Variants in DLGAP4 observed in about 807,000 individuals in gnomAD.
DLGAP4 encodes the protein DLG associated protein 4.
DLGAP4 carries 18 observed loss-of-function variants against 86.9 expected under a neutral mutation model. The observed-to-expected ratio is 0.21, with a 90% CI of 0.14 to 0.31. The LOEUF is 0.31. DLGAP4 is among the 10% of genes least tolerant of loss of function. The pLI is 1.00. For synonymous variants in DLGAP4, 548 were observed against 574.3 expected (o/e 0.95, Z 0.65); for missense variants, 1,085 against 1,362.6 (o/e 0.80, Z 3.21).
At chr20:36,309,993 G>C (rs2065038015) in intron 1 of DLGAP4, among the ~76,000 whole-genome samples, 1 of 152,140 alleles carries the variant, frequency 6.6e-6, no homozygotes, top group African/African-American at 2.4e-5. Flanking sequence ...TGGAGGATTT[G>C]GGGATTTGGG....
intron 8 of DLGAP4, chr20:36,499,151 C>T (rs1455451242): frequency 1.6e-6 from 2 of 1,275,608 alleles, no homozygotes; most frequent in African/African-American, 3.0e-5. Context: ...GCTTCAACTA[C>T]ACCAGATAAC....
chr20:36,443,944 C>G (rs985538316), intron 6 of DLGAP4, among the ~76,000 whole-genome samples: 6 of 152,160 alleles, frequency 3.9e-5, no homozygotes, highest in African/African-American at 1.4e-4. Context: ...GAAACTGAGG[C>G]ACAAAGCAAT....
chr20:36,370,995 G>T (rs1600445974), intron 2 of DLGAP4, among the ~76,000 whole-genome samples: 1 of 152,192 alleles, frequency 6.6e-6, no homozygotes, highest in East Asian at 1.9e-4. Context: ...AACCTTGTGG[G>T]ATTAGCAGTA....
intron 2 of DLGAP4, among the ~76,000 whole-genome samples, chr20:36,392,429 T>C (rs952391866): frequency 2.0e-5 from 3 of 152,148 alleles, no homozygotes; most frequent in Non-Finnish European, 1.5e-5. Flanking sequence ...TGGAGTACAA[T>C]GGCATGATCT....
intron 7 of DLGAP4, among the ~76,000 whole-genome samples, chr20:36,447,942 A>G (rs992753606): frequency 2.4e-4 from 36 of 150,106 alleles, no homozygotes; most frequent in Admixed American, 7.3e-4. Context: ...ATTAGGACAA[A>G]TATCTAATGC....
intron 2 of DLGAP4, among the ~76,000 whole-genome samples, chr20:36,396,457 GC>G (rs2031981314): frequency 5.3e-5 from 1 of 18,936 alleles, no homozygotes; most frequent in Admixed American, 9.4e-4. Context: ...CACATCACAT[GC>G]ACACACACAC....
At chr20:36,388,041 T>C (rs1409768224) in intron 2 of DLGAP4, among the ~76,000 whole-genome samples, 2 of 152,066 alleles carry the variant, frequency 1.3e-5, no homozygotes, top group Admixed American at 1.3e-4. Context: ...CCTGAGTGAG[T>C]GTTATGAAGA....
intron 1 of DLGAP4, among the ~76,000 whole-genome samples, chr20:36,309,024 C>G (rs1334313107): frequency 1.3e-5 from 2 of 151,754 alleles, no homozygotes; most frequent in African/African-American, 4.8e-5. Flanking sequence ...GGCTCGGGTC[C>G]CCCTGGCGGG....
intron 7 of DLGAP4, among the ~76,000 whole-genome samples, chr20:36,460,039 G>A (rs951134869): frequency 2.0e-5 from 3 of 152,224 alleles, no homozygotes; most frequent in Non-Finnish European, 4.4e-5. Context: ...TCCCAGAGAG[G>A]GAAAGGGACT....
Position 36,431,623 on chromosome 20 carries a change from C to T in DLGAP4, c.-72-23C>T, listed in dbSNP as rs568500183. ...CCGACAATCCAGCTGACCAGCTGAC[C>T]GCTTTCTGTCTTCTCTCCCTAGGAT... On this transcript the variant is annotated intron_variant, in intron 2 of 12. Transcript: ENST00000339266. This position sits in a 1 kb window ranked among gnomAD's most constrained non-coding sequence, Gnocchi z 5.1. 4.0e-5 allele frequency: 56 copies of T among 1,403,824 alleles called. No individual in the cohort carries two copies. The highest frequency in any genetic ancestry group is 4.9e-5 in the East Asian group (2 of 40,914). The allele number at this position is 1,403,824 out of a possible 1,614,324, so 87.0% of individuals were successfully genotyped here.
intron 1 of DLGAP4, among the ~76,000 whole-genome samples, chr20:36,317,229 TTCTTTCTTTCTTTC>T (rs1188908773): frequency 4.9e-4 from 18 of 36,902 alleles, no homozygotes; most frequent in Admixed American, 1.9e-3. Context: ...CCTTTTTTCT[TTCTTTCTTTCTTTC>T]TTTCTTTCTT....
intron 1 of DLGAP4, among the ~76,000 whole-genome samples, chr20:36,352,067 T>A (rs1340011264): frequency 6.6e-6 from 1 of 151,878 alleles, no homozygotes; most frequent in African/African-American, 2.4e-5. Flanking sequence ...CTCAGGGGAA[T>A]GAGGGAGGGA....
In DLGAP4 at chr20:36,344,025, G is replaced by A. The variant is rs16986065; in HGVS notation, c.-303-23020G>A. Among the ~76,000 whole-genome samples the A allele has an allele frequency of 3.1e-3, 468 of 152,324 alleles. 2 individuals are homozygous for A. Among genetic ancestry groups the A allele is most frequent in the African/African-American group, 0.011 (445 of 41,578 alleles). ...GAGTGCTGTTCACCTTGCCAGGGGA[G>A]CCTAGCATAGACCATCAGGAAAAAG... On this transcript the variant is annotated intron_variant, in intron 1 of 12. Coordinates refer to ENST00000339266, the MANE Select transcript of DLGAP4 (RefSeq NM_001365621.2).
intron 1 of DLGAP4, among the ~76,000 whole-genome samples, chr20:36,344,063 GGTGGAACT>G (rs1312431433): frequency 2.0e-5 from 3 of 152,166 alleles, no homozygotes; most frequent in Non-Finnish European, 4.4e-5. Flanking sequence ...TGTGCCGGGA[GGTGGAACT>G]GTGGGTTTTC....
chr20:36,415,899 C>G (rs1220694854), intron 2 of DLGAP4, among the ~76,000 whole-genome samples: 1 of 152,158 alleles, frequency 6.6e-6, no homozygotes, highest in African/African-American at 2.4e-5. Flanking sequence ...GGATCACCCT[C>G]TCATCCCCTC....
At chr20:36,338,331 G>A (rs145316312) in intron 1 of DLGAP4, among the ~76,000 whole-genome samples, 1,622 of 152,316 alleles carry the variant, frequency 0.011, 26 homozygotes, top group African/African-American at 0.037. Context: ...GGAGGCCAAG[G>A]TGGGCAGATC....
chr20:36,436,854 G>T (rs1244912407), intron 4 of DLGAP4, among the ~76,000 whole-genome samples: 2 of 150,754 alleles, frequency 1.3e-5, no homozygotes, highest in African/African-American at 4.9e-5. Flanking sequence ...GAAAAGCCCC[G>T]CCCGCGTGGA....
intron 1 of DLGAP4, among the ~76,000 whole-genome samples, chr20:36,359,403 T>A (rs2030440277): frequency 6.6e-6 from 1 of 152,218 alleles, no homozygotes; most frequent in African/African-American, 2.4e-5. Flanking sequence ...ATTTCCATCA[T>A]GGCACAAATT....
intron 1 of DLGAP4, among the ~76,000 whole-genome samples, chr20:36,353,506 G>A (rs1555893601): frequency 1.3e-5 from 2 of 152,218 alleles, no homozygotes; most frequent in African/African-American, 4.8e-5. Flanking sequence ...TCTTTTTGAG[G>A]ACTCTTTTTT....
Sources: gnomAD v4.1 joint callset for allele counts (sites outside exome capture counted in the v4.1 genomes callset) on GRCh38, gnomAD v4.1.1 for gene constraint, Gnocchi (gnomAD v3.1) non-coding constraint, MANE v1.5 for transcripts, NCBI Gene and HGNC (gene_info 2026-07-23, HGNC 2026-07-21) for gene names.